The following ZNF292 variants were observed in gnomAD, a reference collection of about 807,000 sequenced individuals.
ZNF292 encodes the protein zinc finger protein 292, also known as 16 zinc-finger domain protein.
A neutral mutation model predicts 217.9 loss-of-function variants in ZNF292; 26 were observed. The ratio of observed to expected loss-of-function variants is 0.12; its 90% confidence interval spans 0.09 to 0.17. The LOEUF (loss-of-function observed/expected upper bound fraction) is 0.17, where lower values mean the gene tolerates loss of function less well. Ranked by LOEUF, ZNF292 falls within the 10% of genes least tolerant of loss-of-function variation. ZNF292 has a pLI of 1.00. For missense variants in ZNF292, 2,904 were observed against 3,175.2 expected (o/e 0.91, Z 2.05); for synonymous variants, 1,257 against 1,124.1 (o/e 1.12, Z -2.37).
chr6:87,252,599 T>C (rs1774977260), intron 7 of ZNF292, among the ~76,000 whole-genome samples: 3 of 152,242 alleles, frequency 2.0e-5, no homozygotes. Context: ...TAATCATCTT[T>C]ATGGTTTACT....
At position 87,162,944 on chromosome 6, in the gene ZNF292, AAT is replaced by A. The variant is rs1473115236; in HGVS notation, c.168+7188_168+7189del. On this transcript the variant is annotated intron_variant, in intron 1 of 7. Transcript: ENST00000369577. ...GTAAAATGGAAAGTTTGCTTTCATT[AAT>A]ATGTTTGTCAGCATACATACACTGT... Among the ~76,000 whole-genome samples the A allele has an allele frequency of 2.0e-5, 3 of 152,336 alleles. No homozygotes were observed. The East Asian group carries it at 5.8e-4, about 29-fold the overall frequency.
chr6:87,198,604 A>G (rs1007732812), intron 1 of ZNF292, among the ~76,000 whole-genome samples: 1 of 152,228 alleles, frequency 6.6e-6, no homozygotes, highest in Admixed American at 6.5e-5. Flanking sequence ...TAGGTTTTAT[A>G]AGATACGAAG....
chr6:87,173,827 C>G (rs1771191807), intron 1 of ZNF292: 1 of 159,084 alleles, frequency 6.3e-6, no homozygotes, highest in Non-Finnish European at 1.4e-5. Context: ...GTTCATCACC[C>G]ACATTTATCT....
chr6:87,195,296 A>C (rs1400150503), intron 1 of ZNF292, among the ~76,000 whole-genome samples: 1 of 152,250 alleles, frequency 6.6e-6, no homozygotes, highest in Non-Finnish European at 1.5e-5. Context: ...AGAAAAGTAT[A>C]TTAGTAGAAC....
intron 1 of ZNF292, among the ~76,000 whole-genome samples, chr6:87,164,378 G>T (rs867248007): frequency 8.5e-5 from 13 of 152,136 alleles, no homozygotes; most frequent in African/African-American, 2.9e-4. Context: ...CCCTCCTGGT[G>T]TCATATTTAT....
intron 7 of ZNF292, among the ~76,000 whole-genome samples, chr6:87,247,136 C>T (rs1432147506): frequency 1.3e-5 from 2 of 150,924 alleles, no homozygotes; most frequent in East Asian, 3.9e-4. Flanking sequence ...TATACCACTG[C>T]ACTCCAGCCT....
Position 87,159,458 on chromosome 6 carries a change from G to C in ZNF292, c.168+3699G>C, listed in dbSNP as rs6911891. On this transcript the variant is annotated intron_variant, in intron 1 of 7. Transcript: ENST00000369577. ...GCACACTACAACCTCAAACTCTTAG[G>C]CTCAAGTGATCCTCCTGTCTCAGCT... Among the ~76,000 whole-genome samples the C allele has an allele frequency of 9.3e-3, 1,390 of 149,180 alleles. 17 individuals are homozygous for C. Among genetic ancestry groups the C allele is most frequent in the African/African-American group, 0.032 (1,308 of 40,696 alleles).
At chr6:87,239,507 T>G (rs796378320) in intron 5 of ZNF292, among the ~76,000 whole-genome samples, 35 of 3,346 alleles carry the variant, frequency 0.01, no homozygotes, top group Middle Eastern at 0.071. Flanking sequence ...CCTCCCTCCC[T>G]GATGGGGCGG....
chr6:87,206,884 C>CA (rs2127793831), intron 1 of ZNF292, among the ~76,000 whole-genome samples: 1 of 152,278 alleles, frequency 6.6e-6, no homozygotes, highest in East Asian at 1.9e-4. Flanking sequence ...TAGTTAAATA[C>CA]ATAGGTAGTT....
At chr6:87,211,991 AG>A (rs1396571840) in intron 1 of ZNF292, among the ~76,000 whole-genome samples, 1 of 152,222 alleles carries the variant, frequency 6.6e-6, no homozygotes, top group African/African-American at 2.4e-5. Context: ...AAAAAAGTGT[AG>A]GACTTTGGTC....
intron 1 of ZNF292, among the ~76,000 whole-genome samples, chr6:87,213,089 G>A (rs548543907): frequency 1.3e-4 from 20 of 152,278 alleles, no homozygotes; most frequent in African/African-American, 4.6e-4. Context: ...TTTAGAGGAG[G>A]GTTGTAAATT....
At chr6:87,201,281 C>T (rs907734541) in intron 1 of ZNF292, among the ~76,000 whole-genome samples, 3 of 152,060 alleles carry the variant, frequency 2.0e-5, no homozygotes, top group Non-Finnish European at 2.9e-5. Flanking sequence ...GTTTTTAATT[C>T]TATTGTATCT....
chr6:87,256,444 A>G lies in ZNF292; in HGVS notation c.2815A>G (p.Ile939Val), dbSNP rs765457183. ...TCAATCCAGTGAAGTAGCTGTGTCC[A>G]TTAAGGTGTCTCTCAATCAGGGGAT... Reference protein sequence around the residue: ...LLQSSEVAVSIKVSLNQGIED... With the variant: ...LLQSSEVAVSVKVSLNQGIED... The change falls in exon 8 of 8, where the codon ATT becomes GTT. Residue 939 changes from isoleucine (I) to valine (V), a missense_variant. Transcript: ENST00000369577. 1.9e-6 allele frequency: 3 copies of G among 1,607,592 alleles called. No individual in the cohort carries two copies. The highest frequency in any genetic ancestry group is 1.1e-5 in the South Asian group (1 of 91,086).
intron 1 of ZNF292, among the ~76,000 whole-genome samples, chr6:87,212,409 G>A (rs964177228): frequency 1.3e-5 from 2 of 152,144 alleles, no homozygotes; most frequent in Non-Finnish European, 2.9e-5. Context: ...ACTGGGGGGT[G>A]GGGCTACAAG....
Position 87,218,697 on chromosome 6 carries a change from T to C in ZNF292, c.504T>C (p.Thr168=), listed in dbSNP as rs779909703. 4 of 1,594,178 alleles carry C rather than the reference T, an allele frequency of 2.5e-6. No homozygotes were observed. The East Asian group carries it at 9.0e-5, about 36-fold the overall frequency. The change falls in exon 4 of 8, where the codon ACT becomes ACC. Residue 168 remains threonine (T), a synonymous_variant. Coordinates refer to ENST00000369577, the MANE Select transcript of ZNF292 (RefSeq NM_015021.3). ...TGVWKNPVLC[T]ILSQEPLDKD... is the part of the protein sequence containing the mutation. ...TGTGGAAAAACCCGGTACTGTGCAC[T>C]ATTCTTTCCCAGGAACCATTGGATA...
intron 4 of ZNF292, among the ~76,000 whole-genome samples, chr6:87,221,337 A>C (rs780412538): frequency 6.6e-6 from 1 of 152,184 alleles, no homozygotes; most frequent in Non-Finnish European, 1.5e-5. Context: ...TAATCTTGGG[A>C]TTGGAAAGGT....
chr6:87,183,571 A>G (rs1771536891), intron 1 of ZNF292, among the ~76,000 whole-genome samples: 1 of 152,148 alleles, frequency 6.6e-6, no homozygotes. Context: ...GGAAAAAATA[A>G]TTTTTACAAA....
At position 87,156,576 on chromosome 6, in the gene ZNF292, G is replaced by C. The variant is rs560323565; in HGVS notation, c.168+817G>C. Reference sequence around the variant, plus strand: ...TGATTTCCACTATCCTTTCTGTCCCGATCACCCCCTCACCCCTGTTTCTTG... The same window carrying C: ...TGATTTCCACTATCCTTTCTGTCCCCATCACCCCCTCACCCCTGTTTCTTG... On this transcript the variant is annotated intron_variant, in intron 1 of 7. Transcript: ENST00000369577. 1.1e-4 allele frequency among the ~76,000 whole-genome samples: 17 copies of C among 152,122 alleles called. No individual in the cohort carries two copies. In the South Asian group the frequency reaches 2.1e-3, roughly 19 times the overall value.
chr6:87,243,168 TATC>T (rs1223851912), intron 5 of ZNF292, among the ~76,000 whole-genome samples: 2 of 152,110 alleles, frequency 1.3e-5, no homozygotes, highest in African/African-American at 2.4e-5. Context: ...TGCTTATAGT[TATC>T]ATCAGTTAGT....
Sources: allele counts gnomAD v4.1 joint callset (sites outside exome capture counted in the v4.1 genomes callset), GRCh38; gene constraint gnomAD v4.1.1; transcripts MANE v1.5; gene names NCBI Gene and HGNC (gene_info 2026-07-23, HGNC 2026-07-21).